The following DNAH8 variants were observed in gnomAD, a reference collection of about 807,000 sequenced individuals.
DNAH8 encodes dynein axonemal heavy chain 8.
In DNAH8, 382 loss-of-function variants were observed where a neutral mutation model predicts 562.1. The ratio of observed to expected loss-of-function variants is 0.68; its 90% CI spans 0.63 to 0.74. The LOEUF is 0.74. Among genes scored for constraint, DNAH8 ranks in the 30% least tolerant of loss-of-function variants. The pLI, the probability that DNAH8 is intolerant of heterozygous loss-of-function variation, is 0.00. For synonymous variants in DNAH8, 1,881 were observed against 1,919.4 expected (o/e 0.98, Z 0.52); for missense variants, 5,203 against 5,620.4 (o/e 0.93, Z 2.37).
At chr6:38,794,016 G>A (rs186056998) in intron 21 of DNAH8, among the ~76,000 whole-genome samples, 28 of 152,314 alleles carry the variant, frequency 1.8e-4, no homozygotes, top group African/African-American at 5.8e-4. Flanking sequence ...ATGCCTAGGA[G>A]TTTTACCAAG....
rs75658700 is a variant in DNAH8 at position 39,019,150 on chromosome 6, G to T, written c.13714+6513G>T. Among the ~76,000 whole-genome samples the T allele has an allele frequency of 3.0e-3, 457 of 152,058 alleles. 1 individual carries two copies. The highest frequency in any genetic ancestry group is 0.01 in the African/African-American group (422 of 41,468). On this transcript the variant is annotated intron_variant, in intron 91 of 92. Transcript: ENST00000327475. ...AGGGGTTGTGGGAGGAATGAAGGAG[G>T]GAGAGAGAGCTCAACAATCCCAGGG...
At chr6:38,800,849 T>C (rs912674021) in intron 21 of DNAH8, among the ~76,000 whole-genome samples, 80 of 152,196 alleles carry the variant, frequency 5.3e-4, no homozygotes, top group African/African-American at 1.9e-3. Context: ...TTTTGTATGC[T>C]TTCCTTCAGA....
Position 38,917,407 on chromosome 6 carries a change from G to A in DNAH8, c.10308+1G>A, listed in dbSNP as rs761060840. ...GCCATCATGGGGAGAGTCATTAAAG[G>A]TAAGTAAAATCTATCATTGTCAATC... On this transcript the variant is annotated splice_donor_variant, in intron 69 of 92. Coordinates refer to ENST00000327475, the MANE Select transcript of DNAH8 (RefSeq NM_001206927.2). LOFTEE classifies it high-confidence loss of function. The A allele has an allele frequency of 6.2e-7, 1 of 1,612,304 alleles. No homozygotes were observed. The highest frequency in any genetic ancestry group is 8.5e-7 in the Non-Finnish European group (1 of 1,178,928).
chr6:38,809,007 T>C (rs1372813024), intron 24 of DNAH8, among the ~76,000 whole-genome samples: 1 of 151,870 alleles, frequency 6.6e-6, no homozygotes, highest in Non-Finnish European at 1.5e-5. Context: ...GGTTGATGGG[T>C]GCAGTAAACC....
chr6:38,879,673 A>G (rs1213116345), intron 53 of DNAH8, among the ~76,000 whole-genome samples: 1 of 152,182 alleles, frequency 6.6e-6, no homozygotes, highest in Non-Finnish European at 1.5e-5. Context: ...TCTCACCTCT[A>G]TTCAATTTCA....
In DNAH8 at chr6:38,772,271, A is replaced by G. The variant is rs538517699; in HGVS notation, c.1764+1712A>G. On this transcript the variant is annotated intron_variant, in intron 12 of 92. Coordinates refer to ENST00000327475, the MANE Select transcript of DNAH8 (RefSeq NM_001206927.2). The stretch of plus-strand genomic sequence containing the variant: ...TCTCGATCCTCTGACCTTGTGATCC[A>G]CCCACCTCGACCTCCCAAAGTGCTG... Among the ~76,000 whole-genome samples, 220 of 151,860 alleles carry G rather than the reference A, an allele frequency of 1.4e-3. 2 individuals are homozygous for G. Among genetic ancestry groups the G allele is most frequent in the African/African-American group, 5.2e-3 (214 of 41,404 alleles).
intron 74 of DNAH8, chr6:38,927,993 AAAAC>A (rs1316799980): frequency 3.3e-5 from 5 of 152,202 alleles, no homozygotes; most frequent in Admixed American, 3.3e-4. Flanking sequence ...ATGCAAATGA[AAAAC>A]AAAGCATAGT....
chr6:38,781,660 A>G (rs1006206724), intron 16 of DNAH8, among the ~76,000 whole-genome samples: 4 of 152,210 alleles, frequency 2.6e-5, no homozygotes, highest in African/African-American at 9.7e-5. Flanking sequence ...AAAAGTAAAA[A>G]TAAAAAATTT....
intron 71 of DNAH8, among the ~76,000 whole-genome samples, chr6:38,922,806 A>T (rs1781818914): frequency 6.6e-6 from 1 of 152,236 alleles, no homozygotes; most frequent in Non-Finnish European, 1.5e-5. Flanking sequence ...AATTTGTCTG[A>T]TTAAAAGATA....
At chr6:38,937,377 A>C (rs1424150030) in intron 77 of DNAH8, among the ~76,000 whole-genome samples, 1 of 152,192 alleles carries the variant, frequency 6.6e-6, no homozygotes, top group Non-Finnish European at 1.5e-5. Flanking sequence ...AATGAAAGGC[A>C]AAACTAAAAA....
rs143038230 is a variant in DNAH8, at chr6:38,828,646, C to T, written c.4188+358C>T. Reference sequence around the variant, plus strand: ...GTAAGTACACTCAATGATGTTCACACGACAAAATCACCTAATGACACATTT... The same window carrying T: ...GTAAGTACACTCAATGATGTTCACATGACAAAATCACCTAATGACACATTT... On this transcript the variant is annotated intron_variant, in intron 30 of 92. Transcript: ENST00000327475. 1.5e-3 allele frequency among the ~76,000 whole-genome samples: 227 copies of T among 152,226 alleles called. No homozygotes were observed. The Middle Eastern group carries it at 0.024, about 16-fold the overall frequency.
chr6:38,818,537 C>CAAAAAAAAAAAAGA (rs775835573), intron 26 of DNAH8, among the ~76,000 whole-genome samples: 1 of 75,886 alleles, frequency 1.3e-5, no homozygotes, highest in African/African-American at 6.2e-5. Flanking sequence ...AAAGCAAAAG[C>CAAAAAAAAAAAAGA]AAAAAAAAAA....
At chr6:38,899,022 T>C (rs1583303165) in intron 61 of DNAH8, among the ~76,000 whole-genome samples, 1 of 152,238 alleles carries the variant, frequency 6.6e-6, no homozygotes, top group South Asian at 2.1e-4. Flanking sequence ...GGTGTCATTA[T>C]TGATCCACCA....
chr6:38,723,377 T>C lies in DNAH8; in HGVS notation c.431T>C (p.Ile144Thr), dbSNP rs1356392953. 5.0e-6 allele frequency: 8 copies of C among 1,611,928 alleles called. No homozygotes were observed. Among genetic ancestry groups the C allele is most frequent in the Non-Finnish European group, 6.8e-6 (8 of 1,179,750 alleles). Reference sequence around the variant, plus strand: ...GCAAGGGAAAGCCGAAGACTGAAAATTGACCCTTCATACAAATATATATTT... The same window carrying C: ...GCAAGGGAAAGCCGAAGACTGAAAACTGACCCTTCATACAAATATATATTT... Reference protein sequence around the residue: ...REARESRRLKIDPSYKYIFEI... With the variant: ...REARESRRLKTDPSYKYIFEI... Residue 144 changes from isoleucine to threonine, a missense_variant, in exon 3 of 93, where the codon ATT (isoleucine) becomes ACT (threonine). Physicochemically the swap from Ile to Thr is moderately conservative, Grantham distance 89 (BLOSUM62 -1). Transcript: ENST00000327475.
At chr6:38,803,599 A>ATT (rs60557580) in intron 22 of DNAH8, among the ~76,000 whole-genome samples, 3 of 139,152 alleles carry the variant, frequency 2.2e-5, no homozygotes, top group African/African-American at 2.6e-5. Context: ...TGCTAACTCT[A>ATT]TTTTTTTTTT....
At chr6:38,993,548 C>T (rs1248623515) in intron 88 of DNAH8, among the ~76,000 whole-genome samples, 1 of 152,110 alleles carries the variant, frequency 6.6e-6, no homozygotes, top group Non-Finnish European at 1.5e-5. Context: ...CCCTTTCAAC[C>T]CATTTCCCTC....
At chr6:38,994,738 G>A (rs930503843) in intron 88 of DNAH8, among the ~76,000 whole-genome samples, 1 of 149,324 alleles carries the variant, frequency 6.7e-6, no homozygotes, top group Admixed American at 6.7e-5. Flanking sequence ...ACCACCTCCT[G>A]GGTTCAAGTG....
chr6:38,915,407 A>G (rs1385346543), intron 68 of DNAH8, 30 bp downstream of exon 68: 1 of 1,490,730 alleles, frequency 6.7e-7, no homozygotes, highest in Non-Finnish European at 8.9e-7. Context: ...CCCTTCCAAC[A>G]CAAGTCCTAG....
intron 17 of DNAH8, among the ~76,000 whole-genome samples, chr6:38,785,190 C>G (rs1163131447): frequency 2.6e-5 from 4 of 152,168 alleles, no homozygotes; most frequent in Admixed American, 6.5e-5. Flanking sequence ...TCTTTCATTT[C>G]ATTTCAGAAA....
Sources: gnomAD v4.1 joint callset for allele counts (sites outside exome capture counted in the v4.1 genomes callset) on GRCh38, gnomAD v4.1.1 for gene constraint, MANE v1.5 for transcripts, NCBI Gene and HGNC (gene_info 2026-07-23, HGNC 2026-07-21) for gene names.